The following DGLUCY variants were observed in gnomAD, a reference collection of about 807,000 sequenced individuals.
DGLUCY encodes the protein D-glutamate cyclase, mitochondrial.
DGLUCY carries 58 observed loss-of-function variants against 58.5 expected under a neutral mutation model. The observed-to-expected ratio is 0.99, with a 90% CI of 0.80 to 1.23. DGLUCY has a LOEUF of 1.23. Among genes scored for constraint, DGLUCY ranks in the 50% most tolerant of loss-of-function variants. The pLI, the probability that DGLUCY is intolerant of heterozygous loss-of-function variation, is 0.00. For missense variants in DGLUCY, 779 were observed against 784.7 expected (o/e 0.99, Z 0.09); for synonymous variants, 325 against 314.1 (o/e 1.03, Z -0.37).
At position 91,078,456 on chromosome 14, in the gene DGLUCY, A is replaced by T. The variant is rs74614904; in HGVS notation, c.-82+17752A>T. Among the ~76,000 whole-genome samples the T allele has an allele frequency of 1.3e-3, 194 of 152,270 alleles. 6 individuals are homozygous for T. In the East Asian group the frequency reaches 0.027, roughly 21 times the overall value. On this transcript the variant is annotated intron_variant, in intron 1 of 4. Transcript: ENST00000521334. ...TTTTAGAAGCTACTATTTGATGGGGAGGTTGCAGTGAGGAAGAATTTTCCC... is the reference window on the plus strand; with the variant it reads ...TTTTAGAAGCTACTATTTGATGGGGTGGTTGCAGTGAGGAAGAATTTTCCC...
At chr14:91,221,772 T>C (rs1887555436) in intron 13 of DGLUCY, among the ~76,000 whole-genome samples, 1 of 152,112 alleles carries the variant, frequency 6.6e-6, no homozygotes, top group Admixed American at 6.5e-5. Flanking sequence ...ATAATTAACA[T>C]ACAATAAAGT....
At chr14:91,159,339 C>T (rs2047848526) in intron 2 of DGLUCY, among the ~76,000 whole-genome samples, 1 of 151,974 alleles carries the variant, frequency 6.6e-6, no homozygotes, top group South Asian at 2.1e-4. Context: ...CCCAGATATT[C>T]AGGTGGCTGA....
intron 1 of DGLUCY, among the ~76,000 whole-genome samples, chr14:91,079,995 C>T (rs760305277): frequency 3.9e-5 from 6 of 152,174 alleles, no homozygotes; most frequent in Non-Finnish European, 8.8e-5. Context: ...CTGTATTCCA[C>T]TTTCTGTCCT....
intron 1 of DGLUCY, among the ~76,000 whole-genome samples, chr14:91,155,797 C>CA (rs543323125): frequency 0.081 from 7,838 of 96,356 alleles, 279 homozygotes; most frequent in South Asian, 0.11. Context: ...ACCCTGTTTC[C>CA]AAAAAAAAAA....
intron 13 of DGLUCY, among the ~76,000 whole-genome samples, chr14:91,219,975 G>A (rs1289513751): frequency 6.6e-6 from 1 of 152,208 alleles, no homozygotes; most frequent in East Asian, 1.9e-4. Context: ...CCCCCTCATG[G>A]CATCTTCCCC....
chr14:91,093,666 G>T (rs926286878), intron 1 of DGLUCY, among the ~76,000 whole-genome samples: 3 of 151,970 alleles, frequency 2.0e-5, no homozygotes, highest in African/African-American at 4.8e-5. Flanking sequence ...TGAACCAATT[G>T]TGTTGGTGCA....
intron 12 of DGLUCY, among the ~76,000 whole-genome samples, chr14:91,205,839 C>CTTTTTTTTTTTTTTTTTTT (rs1344853744): frequency 1.3e-5 from 1 of 79,764 alleles, no homozygotes; most frequent in African/African-American, 4.7e-5. Flanking sequence ...CTTTCTTCTT[C>CTTTTTTTTTTTTTTTTTTT]TTCTTTTTTT....
At chr14:91,171,746 G>A (rs903035411) in intron 5 of DGLUCY, among the ~76,000 whole-genome samples, 28 of 152,248 alleles carry the variant, frequency 1.8e-4, no homozygotes, top group Admixed American at 1.4e-3. Context: ...CATTCAGGAG[G>A]TGGGGTGGGG....
At chr14:91,154,372 G>GCA (rs2047495851) in intron 1 of DGLUCY, among the ~76,000 whole-genome samples, 1 of 152,188 alleles carries the variant, frequency 6.6e-6, no homozygotes, top group Non-Finnish European at 1.5e-5. Flanking sequence ...AAACAATAGG[G>GCA]CAGAGGAAGC....
chr14:91,084,347 G>C (rs2044176483), intron 1 of DGLUCY, among the ~76,000 whole-genome samples: 1 of 151,934 alleles, frequency 6.6e-6, no homozygotes, highest in Non-Finnish European at 1.5e-5. Context: ...GGAACTACAG[G>C]CACCCACCAC....
At chr14:91,154,056 C>CCA (rs1785238307) in intron 1 of DGLUCY, among the ~76,000 whole-genome samples, 1 of 152,134 alleles carries the variant, frequency 6.6e-6, no homozygotes, top group Non-Finnish European at 1.5e-5. Flanking sequence ...CGGGTGTGCA[C>CCA]CACTATGCCC....
chr14:91,197,830 A>G (rs148782230), intron 10 of DGLUCY, among the ~76,000 whole-genome samples: 1 of 152,166 alleles, frequency 6.6e-6, no homozygotes, highest in Non-Finnish European at 1.5e-5. Context: ...GCTCTTGGCT[A>G]TGCTGAATAC....
chr14:91,111,244 G>GTATA (rs1481136927), upstream of DGLUCY, among the ~76,000 whole-genome samples: 25 of 100,686 alleles, frequency 2.5e-4, no homozygotes, highest in African/African-American at 9.3e-4. Flanking sequence ...GTGTGTGTGT[G>GTATA]TGTGTATATA....
At chr14:91,194,022 G>A (rs140041719) in intron 9 of DGLUCY, among the ~76,000 whole-genome samples, 1 of 152,060 alleles carries the variant, frequency 6.6e-6, no homozygotes, top group Non-Finnish European at 1.5e-5. Flanking sequence ...CCCACTTTGG[G>A]ATACATTATG....
intron 12 of DGLUCY, among the ~76,000 whole-genome samples, chr14:91,208,419 T>A (rs967346327): frequency 6.6e-6 from 1 of 152,202 alleles, no homozygotes; most frequent in Non-Finnish European, 1.5e-5. Flanking sequence ...GTATGCCATA[T>A]GTATATATAT....
upstream of DGLUCY, among the ~76,000 whole-genome samples, chr14:91,110,304 A>G (rs2044671568): frequency 6.6e-6 from 1 of 152,168 alleles, no homozygotes; most frequent in Non-Finnish European, 1.5e-5. Context: ...GAGGCTCTGC[A>G]TCTCATCTTT....
At chr14:91,168,083 A>G (rs2048378670) in intron 4 of DGLUCY, among the ~76,000 whole-genome samples, 1 of 151,852 alleles carries the variant, frequency 6.6e-6, no homozygotes. Context: ...TGGGCAACAT[A>G]GGGAAGACCT....
chr14:91,117,905 A>C (rs1363141930), intron 1 of DGLUCY, among the ~76,000 whole-genome samples: 3 of 152,156 alleles, frequency 2.0e-5, no homozygotes, highest in Admixed American at 6.6e-5. Context: ...AGATTTCCCA[A>C]TTGGTAATTA....
At chr14:91,118,418 ACT>A (rs1358506558) in intron 1 of DGLUCY, among the ~76,000 whole-genome samples, 3 of 151,904 alleles carry the variant, frequency 2.0e-5, no homozygotes, top group Non-Finnish European at 4.4e-5. Flanking sequence ...ACTCTTCATA[ACT>A]CTCTTCAAGG....
Sources: gnomAD v4.1 joint callset for allele counts (sites outside exome capture counted in the v4.1 genomes callset) on GRCh38, gnomAD v4.1.1 for gene constraint, MANE v1.5 for transcripts, NCBI Gene and HGNC (gene_info 2026-07-23, HGNC 2026-07-21) for gene names.